RARB: variants seen among roughly 807,000 people sequenced by gnomAD.
The protein encoded by RARB is retinoic acid receptor beta, also known as HBV-activated protein.
RARB carries 17 observed loss-of-function variants against 51.9 expected under a neutral mutation model. The ratio of observed to expected loss-of-function variants is 0.33; its 90% confidence interval spans 0.22 to 0.49. RARB has a LOEUF of 0.49. Among genes scored for constraint, RARB ranks in the 20% least tolerant of loss-of-function variants. RARB has a pLI of 0.99. For synonymous variants in RARB, 215 were observed against 195.4 expected, an observed-to-expected ratio of 1.10 and a Z score of -0.84; for missense variants, 369 against 550.8, an observed-to-expected ratio of 0.67 and a Z score of 3.30.
At chr3:25,237,611 A>G (rs1021838141) in intron 5 of RARB, among the ~76,000 whole-genome samples, 1 of 152,168 alleles carries the variant, frequency 6.6e-6, no homozygotes, top group Non-Finnish European at 1.5e-5. Flanking sequence ...TATAAAGTTC[A>G]CCATTTTAAA....
rs549659227 is a variant in RARB at position 24,894,962 on chromosome 3, C to T, written c.-380+36210C>T. 6.6e-5 allele frequency among the ~76,000 whole-genome samples: 10 copies of T among 152,266 alleles called. No individual in the cohort carries two copies. The South Asian group carries it at 2.1e-3, about 32-fold the overall frequency. On this transcript the variant is annotated intron_variant, in intron 2 of 11. Coordinates refer to the RARB transcript ENST00000383772. ...GTAATATTTGAATTGAGTTGAAGAA[C>T]ATATGTGGAAAAACCTTTGCTTTAG...
intron 5 of RARB, among the ~76,000 whole-genome samples, chr3:25,263,896 G>A (rs1482984078): frequency 6.6e-6 from 1 of 152,118 alleles, no homozygotes; most frequent in Non-Finnish European, 1.5e-5. Context: ...TTCTGAAGGG[G>A]GAGAGCCCTT....
intron 2 of RARB, among the ~76,000 whole-genome samples, chr3:24,975,696 T>C (rs955793080): frequency 4.6e-5 from 7 of 152,188 alleles, no homozygotes; most frequent in East Asian, 3.8e-4. Context: ...TCAGCTTCTT[T>C]AGGTAAAAAT....
At chr3:25,431,761 T>C (rs1287334760) in intron 1 of RARB, among the ~76,000 whole-genome samples, 2 of 152,178 alleles carry the variant, frequency 1.3e-5, no homozygotes, top group African/African-American at 2.4e-5. Flanking sequence ...CTTTTTGAAA[T>C]AGGACTTTGC....
intron 5 of RARB, among the ~76,000 whole-genome samples, chr3:25,407,228 G>C (rs546727121): frequency 6.6e-6 from 1 of 152,136 alleles, no homozygotes; most frequent in Non-Finnish European, 1.5e-5. Flanking sequence ...GATAGCTTCT[G>C]TAGACGTCAC....
At chr3:25,383,498 T>C (rs1361961138) in intron 5 of RARB, among the ~76,000 whole-genome samples, 1 of 152,258 alleles carries the variant, frequency 6.6e-6, no homozygotes, top group Non-Finnish European at 1.5e-5. Context: ...CTGAGCAATG[T>C]TAGAGAATGG....
chr3:25,119,397 T>C (rs1004925643), intron 3 of RARB, among the ~76,000 whole-genome samples: 2 of 152,136 alleles, frequency 1.3e-5, no homozygotes, highest in Non-Finnish European at 2.9e-5. Context: ...TTGTCAACTG[T>C]AAGATGAATG....
intron 5 of RARB, among the ~76,000 whole-genome samples, chr3:25,217,519 A>T (rs928697497): frequency 6.6e-6 from 1 of 151,640 alleles, no homozygotes; most frequent in Non-Finnish European, 1.5e-5. Flanking sequence ...CTGATCCTTG[A>T]AAGTTGTATG....
intron 4 of RARB, among the ~76,000 whole-genome samples, chr3:25,578,164 A>G (rs1313737899): frequency 6.6e-6 from 1 of 152,196 alleles, no homozygotes; most frequent in Non-Finnish European, 1.5e-5. Flanking sequence ...AGCCGCCTTC[A>G]TTACCAACCC....
chr3:25,528,807 C>CT (rs1481779754), intron 3 of RARB, among the ~76,000 whole-genome samples: 1 of 152,124 alleles, frequency 6.6e-6, no homozygotes, highest in East Asian at 1.9e-4. Context: ...GATGTGTCCA[C>CT]TTTCAGAAGC....
intron 2 of RARB, among the ~76,000 whole-genome samples, chr3:24,976,154 T>C (rs1696507620): frequency 6.6e-6 from 1 of 152,228 alleles, no homozygotes; most frequent in African/African-American, 2.4e-5. Flanking sequence ...CACATTTTCT[T>C]AATCTAGTCT....
chr3:24,888,185 C>T (rs1234191882), intron 2 of RARB, among the ~76,000 whole-genome samples: 1 of 152,100 alleles, frequency 6.6e-6, no homozygotes, highest in African/African-American at 2.4e-5. Flanking sequence ...ATGGGCTGTT[C>T]TACATGGAAT....
At chr3:25,205,126 G>C (rs896976368) in intron 5 of RARB, among the ~76,000 whole-genome samples, 1 of 152,094 alleles carries the variant, frequency 6.6e-6, no homozygotes, top group Non-Finnish European at 1.5e-5. Context: ...CAGCAATGGC[G>C]GGTGCCCCTC....
At chr3:25,540,586 A>G (rs1699334585) in intron 3 of RARB, among the ~76,000 whole-genome samples, 1 of 152,208 alleles carries the variant, frequency 6.6e-6, no homozygotes, top group African/African-American at 2.4e-5. Context: ...ACCAGATTGC[A>G]TATCTGATTG....
intron 4 of RARB, among the ~76,000 whole-genome samples, chr3:25,578,410 C>T (rs1046177726): frequency 1.3e-5 from 2 of 152,202 alleles, no homozygotes; most frequent in Admixed American, 6.5e-5. Context: ...AGCCCTGGCG[C>T]GTGATAAAGT....
intron 5 of RARB, among the ~76,000 whole-genome samples, chr3:25,405,145 C>T (rs563377396): frequency 5.3e-5 from 8 of 152,214 alleles, no homozygotes; most frequent in East Asian, 1.9e-4. Context: ...CCCCAGAGAC[C>T]GGAGCAGAGG....
intron 3 of RARB, among the ~76,000 whole-genome samples, chr3:25,079,700 A>T (rs917832920): frequency 2.6e-5 from 4 of 152,300 alleles, no homozygotes; most frequent in Middle Eastern, 6.8e-3. Flanking sequence ...TTTTTAAAAA[A>T]TATATTACTT....
At chr3:25,097,366 C>A (rs74887110) in intron 3 of RARB, among the ~76,000 whole-genome samples, 1 of 152,056 alleles carries the variant, frequency 6.6e-6, no homozygotes, top group Non-Finnish European at 1.5e-5. Context: ...AAGAAAGTAA[C>A]ATGAAAACAT....
intron 2 of RARB, among the ~76,000 whole-genome samples, chr3:25,009,107 G>T (rs1697339783): frequency 6.6e-6 from 1 of 152,046 alleles, no homozygotes; most frequent in South Asian, 2.1e-4. Context: ...AATCAGTAAA[G>T]ACTAGATTTA....
Sources: allele counts gnomAD v4.1 joint callset (sites outside exome capture counted in the v4.1 genomes callset), GRCh38; gene constraint gnomAD v4.1.1; transcripts MANE v1.5; gene names NCBI Gene and HGNC (gene_info 2026-07-23, HGNC 2026-07-21).